ARMH1: variants seen among roughly 807,000 people sequenced by gnomAD.
The protein encoded by ARMH1 is armadillo like helical domain containing 1, also known as armadillo-like helical domain containing protein 1.
In ARMH1, 34 loss-of-function variants were observed where a neutral mutation model predicts 50.2. The observed-to-expected ratio is 0.68, with a 90% CI of 0.51 to 0.90. The LOEUF is 0.90. Among genes scored for constraint, ARMH1 ranks in the 40% least tolerant of loss-of-function variants. The pLI, the probability that ARMH1 is intolerant of heterozygous loss-of-function variation, is 0.00. For synonymous variants in ARMH1, 221 were observed against 224.2 expected, an observed-to-expected ratio of 0.99 and a Z score of 0.13; for missense variants, 538 against 553.9, an observed-to-expected ratio of 0.97 and a Z score of 0.29.
In ARMH1 at chr1:44,710,806, T is replaced by C. The variant is rs189299887; in HGVS notation, c.724+6633T>C. On this transcript the variant is annotated intron_variant, in intron 6 of 11. Coordinates refer to ENST00000535358, the MANE Select transcript of ARMH1 (RefSeq NM_001145636.2). ...ATCTCTATCTAGTTCCAAAACATTT[T>C]CATCCCCCCAAAAGGAAACCCTGAA... 1.5e-3 allele frequency among the ~76,000 whole-genome samples: 223 copies of C among 152,298 alleles called. 2 individuals are homozygous for C. The highest frequency in any genetic ancestry group is 4.9e-3 in the African/African-American group (202 of 41,568).
chr1:44,684,975 G>A (rs1434180953), intron 1 of ARMH1, among the ~76,000 whole-genome samples: 2 of 152,002 alleles, frequency 1.3e-5, no homozygotes, highest in Non-Finnish European at 2.9e-5. Flanking sequence ...CCCTCCCTGG[G>A]AAAGTAGGAA....
chr1:44,704,091 A>G lies in ARMH1; in HGVS notation c.642A>G (p.Pro214=). 1 of 1,550,464 alleles carries G rather than the reference A, an allele frequency of 6.4e-7. No homozygotes were observed. Among genetic ancestry groups the G allele is most frequent in the Non-Finnish European group, 8.7e-7 (1 of 1,146,228 alleles). ...TGTCCTGTTGTCTGTCTGGTCAGCC[A>G]ATCATTGGGACCACACACCCCAGCA... is the stretch of plus-strand genomic sequence containing the variant. ...LSLQTLRTAQ[P]IIGTTHPSIV... is the part of the protein sequence containing the mutation. The change falls in exon 6 of 12, where the codon CCA becomes CCG. Residue 214 remains proline, a splice_region_variant and synonymous_variant. Transcript: ENST00000535358.
At chr1:44,694,033 G>T (rs775087320) in intron 2 of ARMH1, among the ~76,000 whole-genome samples, 10 of 152,054 alleles carry the variant, frequency 6.6e-5, no homozygotes, top group Non-Finnish European at 1.5e-4. Context: ...TTTTTACTTG[G>T]TCATTGCACT....
intron 2 of ARMH1, among the ~76,000 whole-genome samples, chr1:44,695,027 T>G (rs959457797): frequency 6.6e-6 from 1 of 152,170 alleles, no homozygotes; most frequent in Non-Finnish European, 1.5e-5. Flanking sequence ...CCATCATGTC[T>G]CCTACTCAGT....
intron 6 of ARMH1, among the ~76,000 whole-genome samples, chr1:44,711,602 T>C (rs1460922267): frequency 1.3e-5 from 2 of 152,264 alleles, no homozygotes; most frequent in African/African-American, 2.4e-5. Context: ...CTGTAGGTTC[T>C]TTTCACCTTC....
chr1:44,719,096 G>A lies in ARMH1; in HGVS notation c.725-5026G>A, dbSNP rs557305438. Among the ~76,000 whole-genome samples the A allele has an allele frequency of 2.6e-5, 4 of 151,738 alleles. No individual in the cohort carries two copies. In the South Asian group the frequency reaches 8.3e-4, roughly 32 times the overall value. ...TTTCTAAATCAGGAAGGTCCTCAGA[G>A]GAAAGGGTCTGCCCCACAAGGTCTG... On this transcript the variant is annotated intron_variant, in intron 6 of 11. Transcript: ENST00000535358.
chr1:44,679,295 C>G (rs1645233700), intron 1 of ARMH1, among the ~76,000 whole-genome samples: 1 of 152,194 alleles, frequency 6.6e-6, no homozygotes, highest in Non-Finnish European at 1.5e-5. Context: ...CATGTGTGCT[C>G]CAGTTCTTAT....
intron 1 of ARMH1, among the ~76,000 whole-genome samples, chr1:44,675,431 C>T (rs1191771770): frequency 6.6e-6 from 1 of 152,082 alleles, no homozygotes; most frequent in African/African-American, 2.4e-5. Context: ...AAGGCCAAGA[C>T]GGGAGAATGG....
chr1:44,710,426 G>A lies in ARMH1; in HGVS notation c.724+6253G>A, dbSNP rs538948854. 5.9e-5 allele frequency among the ~76,000 whole-genome samples: 9 copies of A among 152,026 alleles called. No homozygotes were observed. The East Asian group carries it at 1.2e-3, about 20-fold the overall frequency. On this transcript the variant is annotated intron_variant, in intron 6 of 11. Transcript: ENST00000535358. ...AGATCGAGACCATCCTGGCTAACAC[G>A]GTGAAACCCCGTCTCTACTAAAAAT...
At chr1:44,705,505 A>G (rs1235302150) in intron 6 of ARMH1, among the ~76,000 whole-genome samples, 1 of 152,098 alleles carries the variant, frequency 6.6e-6, no homozygotes, top group Non-Finnish European at 1.5e-5. Flanking sequence ...AAAAAAAACA[A>G]CAAAACAACA....
intron 6 of ARMH1, among the ~76,000 whole-genome samples, chr1:44,712,624 C>A (rs1262788876): frequency 6.7e-6 from 1 of 150,054 alleles, no homozygotes; most frequent in African/African-American, 2.4e-5. Context: ...TAGCTTCATA[C>A]CCCTCACAGG....
chr1:44,691,644 C>T (rs914717357), intron 2 of ARMH1, among the ~76,000 whole-genome samples: 2 of 152,174 alleles, frequency 1.3e-5, no homozygotes, highest in African/African-American at 4.8e-5. Flanking sequence ...AGTTCATTGT[C>T]AAGATTCAAC....
chr1:44,702,310 A>G (rs1451290966), intron 5 of ARMH1, among the ~76,000 whole-genome samples: 1 of 152,110 alleles, frequency 6.6e-6, no homozygotes, highest in Non-Finnish European at 1.5e-5. Flanking sequence ...GTGTTAAGTG[A>G]CTTACCCAAG....
chr1:44,708,390 G>A (rs987437581), intron 6 of ARMH1, among the ~76,000 whole-genome samples: 1 of 152,212 alleles, frequency 6.6e-6, no homozygotes, highest in African/African-American at 2.4e-5. Context: ...GATCTCAAAA[G>A]GGCAGGGTTG....
intron 6 of ARMH1, among the ~76,000 whole-genome samples, chr1:44,717,598 C>T (rs374014859): frequency 1.3e-5 from 2 of 152,202 alleles, no homozygotes; most frequent in East Asian, 1.9e-4. Context: ...ATTGGTATCC[C>T]CCACTCAGCT....
chr1:44,701,167 T>C (rs1236678671), intron 5 of ARMH1, 48 bp downstream of exon 5: 1 of 1,479,260 alleles, frequency 6.8e-7, no homozygotes, highest in Non-Finnish European at 9.0e-7. Context: ...GATGCAATAA[T>C]CTTACAATTA....
intron 2 of ARMH1, among the ~76,000 whole-genome samples, chr1:44,693,976 AC>A (rs1005963091): frequency 2.3e-4 from 35 of 151,768 alleles, no homozygotes; most frequent in Admixed American, 5.3e-4. Context: ...GATCTCTCCC[AC>A]TCCAATCCCC....
intron 6 of ARMH1, chr1:44,722,042 G>A (rs1230764871): frequency 6.6e-6 from 1 of 151,890 alleles, no homozygotes; most frequent in African/African-American, 2.4e-5. Context: ...AAAATCTCCT[G>A]ACAAAGAAAA....
chr1:44,703,883 C>T (rs1293891470), intron 5 of ARMH1, among the ~76,000 whole-genome samples: 2 of 151,340 alleles, frequency 1.3e-5, no homozygotes, highest in South Asian at 2.1e-4. Flanking sequence ...CCTGGCACCA[C>T]GCCCAGCTAA....
Sources: gnomAD v4.1 joint callset for allele counts (sites outside exome capture counted in the v4.1 genomes callset) on GRCh38, gnomAD v4.1.1 for gene constraint, MANE v1.5 for transcripts, NCBI Gene and HGNC (gene_info 2026-07-23, HGNC 2026-07-21) for gene names.